The following TLR6 variants were observed in gnomAD, a reference collection of about 807,000 sequenced individuals.
The protein encoded by TLR6 is toll-like receptor 6.
A neutral mutation model predicts 16.1 loss-of-function variants in TLR6; 9 were observed. That is an observed-to-expected ratio of 0.56 (90% CI 0.34 to 0.98). The LOEUF (loss-of-function observed/expected upper bound fraction) is 0.98, where lower values mean the gene tolerates loss of function less well. Ranked by LOEUF, TLR6 falls within the 50% of genes least tolerant of loss-of-function variation. TLR6 has a pLI of 0.02. For missense variants in TLR6, 786 were observed against 921.0 expected (o/e 0.85, Z 1.90); for synonymous variants, 340 against 338.6 (o/e 1.00, Z -0.04).
At chr4:38,835,902 G>A (rs1024647939) in intron 1 of TLR6, among the ~76,000 whole-genome samples, 2 of 151,888 alleles carry the variant, frequency 1.3e-5, no homozygotes, top group Non-Finnish European at 2.9e-5. Context: ...TAAATAGGAG[G>A]TAAAAAAGTT....
chr4:38,835,224 C>T (rs746245998), intron 1 of TLR6, among the ~76,000 whole-genome samples: 54 of 152,084 alleles, frequency 3.6e-4, no homozygotes, highest in African/African-American at 1.4e-4. Flanking sequence ...GCCTACAAGA[C>T]ATTCACCCCA....
chr4:38,860,265 AG>A (rs1226445746), upstream of TLR6, among the ~76,000 whole-genome samples: 1 of 152,128 alleles, frequency 6.6e-6, no homozygotes, highest in African/African-American at 2.4e-5. Flanking sequence ...TGAGGTCAGG[AG>A]TTCAAAACCA....
upstream of TLR6, among the ~76,000 whole-genome samples, chr4:38,857,701 A>T (rs2109480254): frequency 6.6e-6 from 1 of 152,306 alleles, no homozygotes; most frequent in African/African-American, 2.4e-5. Context: ...TTGGCTAATG[A>T]CAAAGTTGGA....
At chr4:38,840,178 G>A (rs1336523624) in intron 1 of TLR6, among the ~76,000 whole-genome samples, 1 of 152,178 alleles carries the variant, frequency 6.6e-6, no homozygotes, top group Admixed American at 6.5e-5. Flanking sequence ...ACATAATGTG[G>A]CAATGATGAA....
At chr4:38,841,384 G>A (rs56322844) in intron 1 of TLR6, among the ~76,000 whole-genome samples, 4,837 of 152,072 alleles carry the variant, frequency 0.032, 220 homozygotes, top group African/African-American at 0.089. Context: ...TGAGCTCTGG[G>A]GTTTGAGACC....
At chr4:38,827,748 G>A in exon 2 of TLR6, 5 of 1,614,230 alleles carry the variant, frequency 3.1e-6, no homozygotes, top group Non-Finnish European at 4.2e-6. Flanking sequence ...TCAGACATGT[G>A]AAAGTCCTTT....
intron 1 of TLR6, among the ~76,000 whole-genome samples, chr4:38,850,512 T>C (rs1712725628): frequency 6.6e-6 from 1 of 151,610 alleles, no homozygotes; most frequent in African/African-American, 2.4e-5. Flanking sequence ...AAGAGAGAAA[T>C]ATCAAATCAA....
At chr4:38,847,183 G>A (rs892868616) in intron 1 of TLR6, among the ~76,000 whole-genome samples, 6 of 151,994 alleles carry the variant, frequency 3.9e-5, no homozygotes, top group African/African-American at 1.5e-4. Context: ...ACAACTATAG[G>A]TATTTAAAAA....
At chr4:38,858,196 G>C (rs1292900141), upstream of TLR6, among the ~76,000 whole-genome samples, 4 of 152,144 alleles carry the variant, frequency 2.6e-5, no homozygotes, top group Admixed American at 2.0e-4. Flanking sequence ...GACAGTACTG[G>C]GCCGAACCTC....
chr4:38,863,091 G>A, the TLR6 span, among the ~76,000 whole-genome samples: 18 of 151,924 alleles, frequency 1.2e-4, no homozygotes, highest in African/African-American at 3.4e-4. Flanking sequence ...CTTCCCCACC[G>A]GTCAGAAGAA....
the TLR6 span, among the ~76,000 whole-genome samples, chr4:38,862,204 A>G: frequency 3.3e-5 from 5 of 151,904 alleles, no homozygotes; most frequent in African/African-American, 1.2e-4. Context: ...CTGCTCATCT[A>G]CTCAAGGAAG....
At chr4:38,849,063 G>A (rs1712658920) in intron 1 of TLR6, among the ~76,000 whole-genome samples, 1 of 152,206 alleles carries the variant, frequency 6.6e-6, no homozygotes, top group African/African-American at 2.4e-5. Flanking sequence ...AAGCCCATCA[G>A]ACTAACAGCT....
At chr4:38,855,084 C>T (rs1178104256) in intron 1 of TLR6, among the ~76,000 whole-genome samples, 6 of 151,884 alleles carry the variant, frequency 4.0e-5, no homozygotes, top group South Asian at 4.2e-4. Context: ...TGGTGGCGGG[C>T]GCCTGTAGTC....
At chr4:38,841,589 C>G (rs952371486) in intron 1 of TLR6, among the ~76,000 whole-genome samples, 5 of 152,150 alleles carry the variant, frequency 3.3e-5, no homozygotes, top group African/African-American at 9.7e-5. Context: ...AAAAGGGAAA[C>G]TTTCTCAATA....
exon 2 of TLR6, chr4:38,829,355 T>G (rs1482770999): frequency 6.2e-7 from 1 of 1,614,026 alleles, no homozygotes; most frequent in Non-Finnish European, 8.5e-7. Flanking sequence ...AAGACCTCTT[T>G]TTGACTTGTC....
At chr4:38,840,643 A>G (rs1462744907) in intron 1 of TLR6, among the ~76,000 whole-genome samples, 1 of 152,130 alleles carries the variant, frequency 6.6e-6, no homozygotes, top group East Asian at 1.9e-4. Flanking sequence ...CAAAAAAAAA[A>G]AAAAAAGAAG....
At chr4:38,868,009 A>T in the TLR6 span, 1 of 410,120 alleles carries the variant, frequency 2.4e-6, no homozygotes. Context: ...CTCTGGGGTG[A>T]GGGTCTGGGG....
the TLR6 span, among the ~76,000 whole-genome samples, chr4:38,863,160 A>T: frequency 2.0e-5 from 3 of 152,072 alleles, no homozygotes; most frequent in African/African-American, 7.3e-5. Context: ...GTCAATTCTC[A>T]ATTTTTAGCT....
At chr4:38,867,747 C>A in the TLR6 span, 1 of 151,038 alleles carries the variant, frequency 6.6e-6, no homozygotes, top group East Asian at 1.9e-4. Flanking sequence ...TCCAGCCGCC[C>A]GCCCTCCGGC....
Sources: allele counts gnomAD v4.1 joint callset (sites outside exome capture counted in the v4.1 genomes callset), GRCh38; gene constraint gnomAD v4.1.1; transcripts MANE v1.5; gene names NCBI Gene and HGNC (gene_info 2026-07-23, HGNC 2026-07-21).